BNC2: variants seen among roughly 807,000 people sequenced by gnomAD.
BNC2 encodes the protein basonuclin zinc finger protein 2.
In BNC2, 20 loss-of-function variants were observed where a neutral mutation model predicts 76.3. The ratio of observed to expected loss-of-function variants is 0.26; its 90% CI spans 0.18 to 0.38. The LOEUF is 0.38. BNC2 is among the 10% of genes least tolerant of loss of function. BNC2 has a pLI of 1.00. For synonymous variants in BNC2, 582 were observed against 514.8 expected, an observed-to-expected ratio of 1.13 and a Z score of -1.77; for missense variants, 1,382 against 1,399.8, an observed-to-expected ratio of 0.99 and a Z score of 0.20.
chr9:16,662,131 C>A (rs951384548), intron 3 of BNC2, among the ~76,000 whole-genome samples: 7 of 152,206 alleles, frequency 4.6e-5, no homozygotes, highest in Non-Finnish European at 8.8e-5. Context: ...CAATATTTCT[C>A]CTTCAGAGGG....
chr9:16,743,092 T>C (rs1413171840), intron 1 of BNC2, among the ~76,000 whole-genome samples: 1 of 152,208 alleles, frequency 6.6e-6, no homozygotes, highest in East Asian at 1.9e-4. Context: ...TATAGATTCC[T>C]CTGGTTCTAC....
At chr9:16,859,534 G>T (rs1819344361) in intron 1 of BNC2, among the ~76,000 whole-genome samples, 1 of 152,156 alleles carries the variant, frequency 6.6e-6, no homozygotes, top group African/African-American at 2.4e-5. Context: ...AGACAATTCT[G>T]TTGTATGCTA....
At chr9:16,725,217 T>TCACACACACA (rs4007689) in intron 3 of BNC2, among the ~76,000 whole-genome samples, 5,087 of 148,194 alleles carry the variant, frequency 0.034, 94 homozygotes, top group South Asian at 0.057. Context: ...TCTCTCTCTC[T>TCACACACACA]CACACACACA....
intron 5 of BNC2, among the ~76,000 whole-genome samples, chr9:16,513,401 G>T (rs1262635484): frequency 6.7e-6 from 1 of 149,348 alleles, no homozygotes; most frequent in Non-Finnish European, 1.5e-5. Flanking sequence ...CTGCCTCCTG[G>T]GTTCACACCA....
chr9:16,465,894 C>G (rs983542700), intron 5 of BNC2, among the ~76,000 whole-genome samples: 1 of 150,640 alleles, frequency 6.6e-6, no homozygotes, highest in Non-Finnish European at 1.5e-5. Context: ...CAAATTGTCC[C>G]TGTTTGCAGA....
At position 16,416,877 on chromosome 9, in the gene BNC2, A is replaced by G. The variant is rs567357220; in HGVS notation, c.*2112T>C. The G allele has an allele frequency of 2.2e-4, 33 of 152,778 alleles. No individual in the cohort carries two copies. The highest frequency in any genetic ancestry group is 7.9e-4 in the African/African-American group (33 of 41,594). The allele number at this position is 152,778 out of a possible 1,614,324, so 9.5% of individuals were successfully genotyped here. A position where few individuals can be genotyped will look rare whatever the true frequency, so the allele number is the denominator to read the frequency against. ...AGGTACAATAAATCCTACAGGAATA[A>G]TAACAACAGAAACATATTAACAGTT... On this transcript the variant is annotated 3_prime_UTR_variant, in exon 7 of 7. Transcript: ENST00000380672.
intron 4 of BNC2, among the ~76,000 whole-genome samples, chr9:16,555,364 G>C (rs892978416): frequency 7.2e-5 from 11 of 151,996 alleles, no homozygotes; most frequent in Admixed American, 4.6e-4. Flanking sequence ...AAACTGTTAA[G>C]GGTACAGAAG....
chr9:16,594,734 T>G (rs550946861), intron 3 of BNC2, among the ~76,000 whole-genome samples: 11 of 152,130 alleles, frequency 7.2e-5, no homozygotes, highest in African/African-American at 2.7e-4. Flanking sequence ...AATTAGAGAT[T>G]TTTTCAAACA....
chr9:16,493,975 A>C (rs903391242), intron 5 of BNC2, among the ~76,000 whole-genome samples: 2 of 152,126 alleles, frequency 1.3e-5, no homozygotes, highest in African/African-American at 4.8e-5. Flanking sequence ...GGCCAAGTTC[A>C]TTCAGTCCTC....
At chr9:16,631,972 C>G (rs1821175286) in intron 3 of BNC2, among the ~76,000 whole-genome samples, 1 of 152,160 alleles carries the variant, frequency 6.6e-6, no homozygotes, top group African/African-American at 2.4e-5. Flanking sequence ...AAAGAACTAC[C>G]AGCTGATCTG....
At chr9:16,673,954 C>T (rs956973218) in intron 3 of BNC2, among the ~76,000 whole-genome samples, 2 of 152,206 alleles carry the variant, frequency 1.3e-5, no homozygotes, top group Non-Finnish European at 2.9e-5. Context: ...TTATCAAACT[C>T]AATACCTATC....
intron 5 of BNC2, among the ~76,000 whole-genome samples, chr9:16,518,646 G>C (rs1817517391): frequency 6.6e-6 from 1 of 151,958 alleles, no homozygotes; most frequent in African/African-American, 2.4e-5. Flanking sequence ...ACAGAGTCTT[G>C]CTGGAGTGCA....
chr9:16,495,453 A>C (rs536231466), intron 5 of BNC2, among the ~76,000 whole-genome samples: 4 of 152,216 alleles, frequency 2.6e-5, no homozygotes, highest in African/African-American at 9.6e-5. Flanking sequence ...GTGAATGTCA[A>C]TCTGAAAAAT....
intron 1 of BNC2, among the ~76,000 whole-genome samples, chr9:16,825,640 C>T (rs1818436326): frequency 1.3e-5 from 2 of 152,018 alleles, no homozygotes. Context: ...GGAGGGTCAC[C>T]CAAACCAAGC....
At chr9:16,554,185 C>A (rs2132559763) in intron 4 of BNC2, among the ~76,000 whole-genome samples, 1 of 152,318 alleles carries the variant, frequency 6.6e-6, no homozygotes, top group East Asian at 1.9e-4. Context: ...ACTACACGTG[C>A]ATTCTCAGCA....
chr9:16,827,916 A>C (rs942208010), intron 1 of BNC2, among the ~76,000 whole-genome samples: 33 of 152,342 alleles, frequency 2.2e-4, no homozygotes, highest in African/African-American at 7.7e-4. Flanking sequence ...AAAAACATTT[A>C]TTGAGGCATG....
chr9:16,773,092 G>A (rs184132096), intron 1 of BNC2, among the ~76,000 whole-genome samples: 148 of 152,164 alleles, frequency 9.7e-4, no homozygotes, highest in African/African-American at 3.4e-3. Context: ...TAGACATGCC[G>A]CATTGACCAA....
chr9:16,545,684 C>T (rs1818459771), intron 5 of BNC2, among the ~76,000 whole-genome samples: 1 of 152,186 alleles, frequency 6.6e-6, no homozygotes, highest in South Asian at 2.1e-4. Flanking sequence ...GCCCATACAT[C>T]CTGGCTCCTC....
intron 4 of BNC2, among the ~76,000 whole-genome samples, chr9:16,556,316 T>G (rs975378345): frequency 6.6e-6 from 1 of 151,786 alleles, no homozygotes; most frequent in African/African-American, 2.4e-5. Context: ...AAACTTTATT[T>G]ACACAAACAG....
Sources: gnomAD v4.1 joint callset for allele counts (sites outside exome capture counted in the v4.1 genomes callset) on GRCh38, gnomAD v4.1.1 for gene constraint, MANE v1.5 for transcripts, NCBI Gene and HGNC (gene_info 2026-07-23, HGNC 2026-07-21) for gene names.